TENM1: variants seen among roughly 807,000 people sequenced by gnomAD.
The protein encoded by TENM1 is teneurin transmembrane protein 1.
Under a neutral mutation model 174.8 loss-of-function variants are expected in TENM1, and 35 were observed. The observed-to-expected ratio is 0.20, with a 90% CI of 0.15 to 0.27. The LOEUF (loss-of-function observed/expected upper bound fraction) is 0.27. Among genes scored for constraint, TENM1 ranks in the 10% least tolerant of loss-of-function variants. The pLI, the probability that TENM1 is intolerant of heterozygous loss-of-function variation, is 1.00. For synonymous variants in TENM1, 781 were observed against 798.7 expected (o/e 0.98, Z 0.37); for missense variants, 1,633 against 2,130.1 (o/e 0.77, Z 4.59).
chrX:124,441,118 T>G (rs1482488123), intron 23 of TENM1, among the ~76,000 whole-genome samples: 2 of 112,150 alleles, frequency 1.8e-5, no homozygotes, highest in Non-Finnish European at 3.8e-5. Context: ...TATCCCACTT[T>G]TTATTGGTGG....
intron 5 of TENM1, among the ~76,000 whole-genome samples, chrX:124,676,908 A>T (rs190832382): frequency 5.5e-5 from 6 of 109,618 alleles, no homozygotes; most frequent in African/African-American, 2.0e-4. Flanking sequence ...GTCAGAAGTA[A>T]ATGTGGGAAA....
the TENM1 span, among the ~76,000 whole-genome samples, chrX:125,003,327 A>C: frequency 8.9e-6 from 1 of 111,777 alleles, no homozygotes; most frequent in Non-Finnish European, 1.9e-5. Context: ...TGTAAGAATA[A>C]AGGGCTATAT....
chrX:125,191,453 G>A, the TENM1 span, among the ~76,000 whole-genome samples: 12 of 111,573 alleles, frequency 1.1e-4, no homozygotes, highest in East Asian at 2.8e-3. Flanking sequence ...GTAATATAAA[G>A]AAAAATAGAA....
intron 25 of TENM1, among the ~76,000 whole-genome samples, chrX:124,409,772 G>C (rs1280504820): frequency 9.3e-6 from 1 of 107,556 alleles, no homozygotes; most frequent in African/African-American, 3.4e-5. Flanking sequence ...ATTCACAATT[G>C]CTTCAAAGAG....
chrX:124,421,305 T>C (rs761128882), intron 24 of TENM1, among the ~76,000 whole-genome samples: 4 of 112,309 alleles, frequency 3.6e-5, no homozygotes, highest in Admixed American at 9.4e-5. Context: ...TCAAATTTGA[T>C]ACCTGGAATA....
At chrX:124,874,611 G>C (rs777788962) in intron 3 of TENM1, among the ~76,000 whole-genome samples, 2 of 110,638 alleles carry the variant, frequency 1.8e-5, no homozygotes, top group Non-Finnish European at 3.8e-5. Flanking sequence ...GCTATATCTA[G>C]AAAAGGTTTT....
intron 22 of TENM1, among the ~76,000 whole-genome samples, chrX:124,459,073 G>A (rs1401200807): frequency 1.8e-5 from 2 of 111,349 alleles, no homozygotes; most frequent in East Asian, 5.6e-4. Context: ...AATGCCATTA[G>A]ATAAGCACTA....
At chrX:124,380,409 G>C (rs2060142769) in exon 32 of TENM1, 2 of 547,959 alleles carry the variant, frequency 3.6e-6, no homozygotes, top group African/African-American at 4.7e-5. Context: ...ACATTGAAAG[G>C]CAGTTGGATA....
chrX:124,394,295 TC>T (rs2060311366), intron 27 of TENM1, among the ~76,000 whole-genome samples: 1 of 112,507 alleles, frequency 8.9e-6, no homozygotes, highest in Non-Finnish European at 1.9e-5. Flanking sequence ...TGTTTAACTA[TC>T]TGAAAGCTAT....
chrX:124,681,441 G>A (rs993645340), intron 5 of TENM1, among the ~76,000 whole-genome samples: 2 of 111,797 alleles, frequency 1.8e-5, no homozygotes, highest in Admixed American at 9.5e-5. Flanking sequence ...TTATTCAAAT[G>A]GGGTTGATTC....
At chrX:125,115,073 AG>A in the TENM1 span, among the ~76,000 whole-genome samples, 1 of 111,844 alleles carries the variant, frequency 8.9e-6, no homozygotes, top group African/African-American at 3.2e-5. Context: ...CTGGGATGCA[AG>A]GCTGGTTCAA....
At chrX:125,079,996 G>C in the TENM1 span, among the ~76,000 whole-genome samples, 1 of 110,904 alleles carries the variant, frequency 9.0e-6, no homozygotes, top group Non-Finnish European at 1.9e-5. Flanking sequence ...TCATTTATTT[G>C]AGAATCAGAT....
chrX:125,140,774 CTAAG>C, the TENM1 span, among the ~76,000 whole-genome samples: 1 of 111,446 alleles, frequency 9.0e-6, no homozygotes, highest in African/African-American at 3.3e-5. Context: ...AAGTAATTAC[CTAAG>C]TAATATTTTT....
At chrX:124,979,154 G>T in the TENM1 span, among the ~76,000 whole-genome samples, 3 of 112,828 alleles carry the variant, frequency 2.7e-5, no homozygotes, top group African/African-American at 9.7e-5. Context: ...AGTTGAAGGT[G>T]GGGATCATGA....
the TENM1 span, among the ~76,000 whole-genome samples, chrX:125,041,694 A>G: frequency 7.6e-4 from 85 of 112,126 alleles, no homozygotes; most frequent in African/African-American, 2.2e-3. Flanking sequence ...GGACATTTGC[A>G]TTATGATTTT....
intron 5 of TENM1, among the ~76,000 whole-genome samples, chrX:124,673,886 A>G (rs2051988577): frequency 8.9e-6 from 1 of 111,756 alleles, no homozygotes; most frequent in South Asian, 3.7e-4. Context: ...ACAATGGTGG[A>G]ACCATTAATA....
At chrX:125,055,343 C>T in the TENM1 span, among the ~76,000 whole-genome samples, 3 of 111,071 alleles carry the variant, frequency 2.7e-5, no homozygotes, top group Non-Finnish European at 3.8e-5. Flanking sequence ...TTTATTTATT[C>T]TTTTAATGGA....
chrX:125,165,560 G>C, the TENM1 span, among the ~76,000 whole-genome samples: 1 of 112,059 alleles, frequency 8.9e-6, no homozygotes, highest in Non-Finnish European at 1.9e-5. Context: ...AAGAGAAGCA[G>C]AGATGCTTTT....
At chrX:124,815,611 C>T (rs1308336045) in intron 3 of TENM1, among the ~76,000 whole-genome samples, 1 of 111,125 alleles carries the variant, frequency 9.0e-6, no homozygotes, top group Non-Finnish European at 1.9e-5. Context: ...TTAAAATACC[C>T]TCAGTATGTA....
Sources: gnomAD v4.1 joint callset for allele counts (sites outside exome capture counted in the v4.1 genomes callset) on GRCh38, gnomAD v4.1.1 for gene constraint, MANE v1.5 for transcripts, NCBI Gene and HGNC (gene_info 2026-07-23, HGNC 2026-07-21) for gene names.